The following SLC2A9 variants were observed in gnomAD, a reference collection of about 807,000 sequenced individuals.
The protein encoded by SLC2A9 is solute carrier family 2, facilitated glucose transporter member 9.
A neutral mutation model predicts 50.6 loss-of-function variants in SLC2A9; 39 were observed. The observed-to-expected ratio is 0.77, with a 90% CI of 0.60 to 1.01. SLC2A9 has a LOEUF of 1.01. Ranked by LOEUF, SLC2A9 falls within the 50% of genes least tolerant of loss-of-function variation. The pLI is 0.00. For synonymous variants in SLC2A9, 324 were observed against 276.9 expected, an observed-to-expected ratio of 1.17 and a Z score of -1.69; for missense variants, 686 against 677.6, an observed-to-expected ratio of 1.01 and a Z score of -0.14.
chr4:9,804,159 TGAG>T (rs1721825607), intron 3 of SLC2A9, among the ~76,000 whole-genome samples: 1 of 152,182 alleles, frequency 6.6e-6, no homozygotes, highest in Non-Finnish European at 1.5e-5. Flanking sequence ...ACTCTGTGTA[TGAG>T]GAGAAGAAAA....
intron 2 of SLC2A9, among the ~76,000 whole-genome samples, chr4:10,013,809 C>T (rs983760965): frequency 3.9e-5 from 6 of 152,210 alleles, no homozygotes; most frequent in Middle Eastern, 3.4e-3. Flanking sequence ...GTCTGTGCCC[C>T]GATCACCTGG....
At chr4:9,782,306 C>T in intron 3 of SLC2A9, 2 of 1,614,030 alleles carry the variant, frequency 1.2e-6, no homozygotes, top group Non-Finnish European at 1.7e-6. Context: ...CGTGGCGCTG[C>T]TGGTCATGCC....
At chr4:9,846,295 T>G (rs1268650843) in intron 10 of SLC2A9, among the ~76,000 whole-genome samples, 1 of 152,140 alleles carries the variant, frequency 6.6e-6, no homozygotes, top group Admixed American at 6.5e-5. Context: ...CCCTGCAGCA[T>G]GTTGGAAAGG....
downstream of SLC2A9, among the ~76,000 whole-genome samples, chr4:9,794,202 G>A (rs1375039287): frequency 6.6e-6 from 1 of 151,226 alleles, no homozygotes; most frequent in Non-Finnish European, 1.5e-5. Context: ...AGGCTGGAGT[G>A]CAATGGTGCG....
intron 5 of SLC2A9, among the ~76,000 whole-genome samples, chr4:9,977,604 G>C (rs1358244461): frequency 7.8e-6 from 1 of 128,074 alleles, no homozygotes; most frequent in South Asian, 2.6e-4. Context: ...CTGAACAAAT[G>C]CCAGGGCCTT....
chr4:9,884,720 A>T (rs1735858633), intron 10 of SLC2A9, among the ~76,000 whole-genome samples: 1 of 152,222 alleles, frequency 6.6e-6, no homozygotes, highest in African/African-American at 2.4e-5. Flanking sequence ...ACATGCATGC[A>T]TATATTCATT....
At chr4:9,928,486 C>T (rs1339304501) in intron 6 of SLC2A9, among the ~76,000 whole-genome samples, 2 of 152,240 alleles carry the variant, frequency 1.3e-5, no homozygotes, top group African/African-American at 4.8e-5. Flanking sequence ...AATCCCAGCA[C>T]TTTGGGAGGC....
intron 6 of SLC2A9, among the ~76,000 whole-genome samples, chr4:9,934,712 T>C (rs1274879628): frequency 6.6e-6 from 1 of 152,250 alleles, no homozygotes. Context: ...GTTACATAAA[T>C]AAACATCTGC....
intron 2 of SLC2A9, among the ~76,000 whole-genome samples, chr4:10,003,174 T>G (rs1433252466): frequency 6.6e-6 from 1 of 152,210 alleles, no homozygotes; most frequent in Admixed American, 6.5e-5. Flanking sequence ...GCAAGGTCAC[T>G]CTTGCACGTG....
At chr4:9,958,226 G>A (rs1252672491) in intron 5 of SLC2A9, among the ~76,000 whole-genome samples, 2 of 152,172 alleles carry the variant, frequency 1.3e-5, no homozygotes, top group African/African-American at 2.4e-5. Flanking sequence ...GACATGGAAA[G>A]TCTCAAAAGC....
At chr4:9,844,873 G>A (rs143177643) in intron 10 of SLC2A9, among the ~76,000 whole-genome samples, 2 of 152,306 alleles carry the variant, frequency 1.3e-5, no homozygotes, top group Non-Finnish European at 2.9e-5. Context: ...AAATGAGACT[G>A]TGCTTAGCAA....
intron 10 of SLC2A9, among the ~76,000 whole-genome samples, chr4:9,855,568 T>A (rs1644647338): frequency 6.6e-6 from 1 of 152,172 alleles, no homozygotes. Flanking sequence ...TCAATGCAAT[T>A]CATGTCAAAC....
intron 1 of SLC2A9, among the ~76,000 whole-genome samples, chr4:10,032,998 C>A (rs1284252193): frequency 1.3e-5 from 2 of 152,144 alleles, no homozygotes; most frequent in African/African-American, 4.8e-5. Flanking sequence ...CCGGGCACTG[C>A]CGAGCTGTTC....
chr4:9,833,629 G>T (rs1726543166), intron 11 of SLC2A9, among the ~76,000 whole-genome samples: 1 of 152,178 alleles, frequency 6.6e-6, no homozygotes, highest in Non-Finnish European at 1.5e-5. Context: ...GGTGGCTGGG[G>T]CTTGGAGTGC....
chr4:9,910,116 G>A (rs1034366259), intron 7 of SLC2A9, among the ~76,000 whole-genome samples: 4 of 152,318 alleles, frequency 2.6e-5, no homozygotes, highest in South Asian at 2.1e-4. Context: ...TGAAAACTAC[G>A]ACACCCATTT....
At position 9,996,769 on chromosome 4, in the gene SLC2A9, C is replaced by T; in HGVS notation, c.410+12G>A. 1.2e-6 allele frequency: 2 copies of T among 1,612,966 alleles called. No individual in the cohort carries two copies. The highest frequency in any genetic ancestry group is 1.7e-6 in the Non-Finnish European group (2 of 1,179,232). ...GGAGGGCACCCCCAGATAGAGACAG[C>T]CTCCTACTGACCTCCCAAGAACCTT... On this transcript the variant is annotated intron_variant, in intron 3 of 11. Transcript: ENST00000264784.
chr4:9,818,404 T>C (rs1308745614), intron 3 of SLC2A9, among the ~76,000 whole-genome samples: 1 of 152,230 alleles, frequency 6.6e-6, no homozygotes, highest in African/African-American at 2.4e-5. Context: ...AGGGGAACTT[T>C]ATTCAAAACT....
intron 1 of SLC2A9, among the ~76,000 whole-genome samples, chr4:10,028,025 A>T (rs555528490): frequency 6.6e-6 from 1 of 152,142 alleles, no homozygotes; most frequent in African/African-American, 2.4e-5. Context: ...CAGCCTCCCC[A>T]TTGATTTGCT....
intron 1 of SLC2A9, among the ~76,000 whole-genome samples, chr4:9,773,197 T>A (rs906713784): frequency 5.9e-5 from 9 of 152,086 alleles, no homozygotes; most frequent in African/African-American, 2.2e-4. Context: ...CCATCAGGGG[T>A]CCTGTGGTTG....
Sources: allele counts gnomAD v4.1 joint callset (sites outside exome capture counted in the v4.1 genomes callset), GRCh38; gene constraint gnomAD v4.1.1; transcripts MANE v1.5; gene names NCBI Gene and HGNC (gene_info 2026-07-23, HGNC 2026-07-21).